The following TMTC2 variants were observed in gnomAD, a reference collection of about 807,000 sequenced individuals.
TMTC2 encodes the protein transmembrane O-mannosyltransferase targeting cadherins 2, also known as protein O-mannosyl-transferase TMTC2.
A neutral mutation model predicts 82.4 loss-of-function variants in TMTC2; 43 were observed. The ratio of observed to expected loss-of-function variants is 0.52; its 90% CI spans 0.41 to 0.67. TMTC2 has a LOEUF of 0.67. Among genes scored for constraint, TMTC2 ranks in the 30% least tolerant of loss-of-function variants. TMTC2 has a pLI of 0.00. For synonymous variants in TMTC2, 408 were observed against 381.9 expected, an observed-to-expected ratio of 1.07 and a Z score of -0.80; for missense variants, 919 against 1,012.4, an observed-to-expected ratio of 0.91 and a Z score of 1.25.
chr12:83,031,452 C>G (rs1346599877), intron 9 of TMTC2, among the ~76,000 whole-genome samples: 1 of 150,940 alleles, frequency 6.6e-6, no homozygotes, highest in Non-Finnish European at 1.5e-5. Context: ...CTGTCACACT[C>G]TGCTCTGTCA....
chr12:82,723,264 C>T (rs1221916537), intron 1 of TMTC2, among the ~76,000 whole-genome samples: 2 of 152,126 alleles, frequency 1.3e-5, no homozygotes, highest in East Asian at 3.8e-4. Context: ...CTACTCAAAA[C>T]CAGGGACTCT....
At chr12:82,997,075 A>G (rs1879653132) in intron 8 of TMTC2, among the ~76,000 whole-genome samples, 1 of 150,432 alleles carries the variant, frequency 6.6e-6, no homozygotes, top group South Asian at 2.1e-4. Flanking sequence ...CACATTTGCC[A>G]AAGTGGTAAT....
chr12:82,742,835 A>G (rs998127514), intron 1 of TMTC2, among the ~76,000 whole-genome samples: 3 of 152,088 alleles, frequency 2.0e-5, no homozygotes, highest in African/African-American at 7.2e-5. Context: ...TATCCTGTAT[A>G]TTCTTCATTC....
chr12:82,855,218 G>A (rs1871199167), intron 1 of TMTC2, among the ~76,000 whole-genome samples: 2 of 152,204 alleles, frequency 1.3e-5, no homozygotes, highest in African/African-American at 2.4e-5. Context: ...TACTAACTCA[G>A]TTATTTCCAC....
intron 8 of TMTC2, among the ~76,000 whole-genome samples, chr12:82,991,857 G>A (rs1441925091): frequency 2.0e-5 from 3 of 152,122 alleles, no homozygotes; most frequent in African/African-American, 7.2e-5. Context: ...AGTTGTGTGC[G>A]CATGCTTACT....
At chr12:82,723,063 A>G (rs1874286946) in intron 1 of TMTC2, among the ~76,000 whole-genome samples, 1 of 152,242 alleles carries the variant, frequency 6.6e-6, no homozygotes. Flanking sequence ...ACAGAGCCTG[A>G]CACATAGTAG....
chr12:83,130,314 T>C (rs755315997), intron 11 of TMTC2, among the ~76,000 whole-genome samples: 23 of 152,216 alleles, frequency 1.5e-4, no homozygotes, highest in Non-Finnish European at 2.9e-4. Flanking sequence ...AGTGGTGTGA[T>C]AACAAAGTTC....
chr12:82,964,925 G>C (rs991529226), intron 4 of TMTC2, 99 bp from the exon 5 acceptor site: 1 of 668,260 alleles, frequency 1.5e-6, no homozygotes, highest in East Asian at 2.9e-5. Context: ...TTTTTACTGT[G>C]CTGTTAACCA....
intron 8 of TMTC2, among the ~76,000 whole-genome samples, chr12:82,997,246 G>GT (rs1428712848): frequency 8.8e-6 from 1 of 113,348 alleles, no homozygotes; most frequent in African/African-American, 3.6e-5. Flanking sequence ...GTTATGTATA[G>GT]TTATATACGT....
chr12:82,861,333 AGTGATCAGACCAAAG>A (rs1211646604), intron 2 of TMTC2, among the ~76,000 whole-genome samples: 1 of 152,198 alleles, frequency 6.6e-6, no homozygotes, highest in Non-Finnish European at 1.5e-5. Flanking sequence ...ATCCGGATGT[AGTGATCAGACCAAAG>A]CTAACAACCC....
intron 11 of TMTC2, among the ~76,000 whole-genome samples, chr12:83,099,723 C>T (rs893958930): frequency 6.6e-6 from 1 of 151,156 alleles, no homozygotes; most frequent in African/African-American, 2.5e-5. Flanking sequence ...TATGTTTTAC[C>T]CTTTTTTTTT....
chr12:82,978,576 T>G (rs541817731), intron 7 of TMTC2, among the ~76,000 whole-genome samples: 5 of 151,920 alleles, frequency 3.3e-5, no homozygotes, highest in African/African-American at 1.2e-4. Context: ...TAAGGTTTTT[T>G]TAGTTTTTCT....
chr12:82,997,406 A>ATGTG (rs1879705278), intron 8 of TMTC2, among the ~76,000 whole-genome samples: 4 of 42,932 alleles, frequency 9.3e-5, no homozygotes, highest in African/African-American at 2.4e-4. Flanking sequence ...GTGTATATAT[A>ATGTG]TATGTGTATA....
chr12:83,045,715 ACACACACACACG>A (rs1592714269), intron 9 of TMTC2, among the ~76,000 whole-genome samples: 1 of 120,992 alleles, frequency 8.3e-6, no homozygotes, highest in African/African-American at 3.0e-5. Flanking sequence ...CTTCACACAC[ACACACACACACG>A]CACACACACA....
chr12:82,990,229 A>G (rs1187463920), intron 8 of TMTC2, among the ~76,000 whole-genome samples: 3 of 152,198 alleles, frequency 2.0e-5, no homozygotes, highest in Admixed American at 6.5e-5. Flanking sequence ...AAATGCAACT[A>G]TATTAGACTT....
chr12:82,896,332 C>T lies in TMTC2; in HGVS notation c.1169C>T (p.Thr390Met), dbSNP rs147409383. 26 of 1,613,948 alleles carry T rather than the reference C, an allele frequency of 1.6e-5. No individual in the cohort carries two copies. The highest frequency in any genetic ancestry group is 5.3e-5 in the African/African-American group (4 of 74,910). ...DVSQRTQLPSTENIVVLSLSL... is the reference protein window; with the variant it reads ...DVSQRTQLPSMENIVVLSLSL... ...TCACAGAGAACCCAGCTTCCTTCTA[C>T]GGAGAACATTGTTGTTCTGTCTTTA... Residue 390 changes from threonine (T) to methionine (M), a missense_variant, in exon 3 of 12, where the codon ACG (threonine) becomes ATG (methionine). Physicochemically the swap from Thr to Met is moderately conservative, Grantham distance 81 (BLOSUM62 -1). Transcript: ENST00000321196.
chr12:83,047,025 A>G (rs1318735968), intron 9 of TMTC2, among the ~76,000 whole-genome samples: 1 of 152,254 alleles, frequency 6.6e-6, no homozygotes, highest in Non-Finnish European at 1.5e-5. Flanking sequence ...GGGCATAAAA[A>G]TGAAAGCTAT....
chr12:83,023,138 G>A lies in TMTC2; in HGVS notation c.2071-7660G>A, dbSNP rs76089132. ...CAGGATGTTTTTGTTACATATTACC[G>A]TATTTTAATAGCGTGTCATATGAAC... On this transcript the variant is annotated intron_variant, in intron 8 of 11. Coordinates refer to ENST00000321196, the MANE Select transcript of TMTC2 (RefSeq NM_152588.3). Among the ~76,000 whole-genome samples the A allele has an allele frequency of 2.0e-4, 30 of 152,202 alleles. 1 individual carries two copies. Among genetic ancestry groups the A allele is most frequent in the East Asian group, 1.5e-3 (8 of 5,178 alleles).
intron 1 of TMTC2, among the ~76,000 whole-genome samples, chr12:82,817,800 G>A (rs924069280): frequency 6.6e-6 from 1 of 152,134 alleles, no homozygotes; most frequent in African/African-American, 2.4e-5. Flanking sequence ...CTTTTTAAAC[G>A]TTGGATCAGT....
Sources: gnomAD v4.1 joint callset for allele counts (sites outside exome capture counted in the v4.1 genomes callset) on GRCh38, gnomAD v4.1.1 for gene constraint, MANE v1.5 for transcripts, NCBI Gene and HGNC (gene_info 2026-07-23, HGNC 2026-07-21) for gene names.